GLI3: variants seen among roughly 807,000 people sequenced by gnomAD.
GLI3 encodes GLI family zinc finger 3.
Under a neutral mutation model 100.8 loss-of-function variants are expected in GLI3, and 20 were observed. That is an observed-to-expected ratio of 0.20 (90% CI 0.14 to 0.29). The LOEUF is 0.29. Among genes scored for constraint, GLI3 ranks in the 10% least tolerant of loss-of-function variants. The probability of loss-of-function intolerance (pLI) is 1.00; values close to 1 mark genes in which losing one functional copy is unlikely to be tolerated. For synonymous variants in GLI3, 938 were observed against 860.5 expected (o/e 1.09, Z -1.58); for missense variants, 2,040 against 2,128.5 (o/e 0.96, Z 0.82).
intron 10 of GLI3, among the ~76,000 whole-genome samples, chr7:41,985,118 G>A (rs1787781971): frequency 6.6e-6 from 1 of 152,240 alleles, no homozygotes; most frequent in East Asian, 1.9e-4. Context: ...TCCACCCCCA[G>A]TTGTATTTCC....
At chr7:42,147,885 A>G (rs1372985544) in intron 3 of GLI3, among the ~76,000 whole-genome samples, 1 of 151,848 alleles carries the variant, frequency 6.6e-6, no homozygotes, top group African/African-American at 2.4e-5. Flanking sequence ...ATAACAACAA[A>G]TTTTTCTCCT....
At chr7:42,144,627 T>C (rs1484388906) in intron 3 of GLI3, among the ~76,000 whole-genome samples, 1 of 151,938 alleles carries the variant, frequency 6.6e-6, no homozygotes, top group Non-Finnish European at 1.5e-5. Context: ...TACCCAAATA[T>C]AATAAAATCT....
At chr7:42,006,805 G>T (rs938802715) in intron 10 of GLI3, among the ~76,000 whole-genome samples, 2 of 152,146 alleles carry the variant, frequency 1.3e-5, no homozygotes, top group African/African-American at 4.8e-5. Flanking sequence ...GGGAGGCCCT[G>T]GTAAGTGCAT....
chr7:42,016,311 C>T (rs1788760766), intron 10 of GLI3, among the ~76,000 whole-genome samples: 1 of 152,164 alleles, frequency 6.6e-6, no homozygotes, highest in Non-Finnish European at 1.5e-5. Context: ...TCCAGTTCTT[C>T]TCTTGCAGTG....
chr7:42,006,969 C>T (rs1788475161), intron 10 of GLI3, among the ~76,000 whole-genome samples: 1 of 152,026 alleles, frequency 6.6e-6, no homozygotes, highest in Non-Finnish European at 1.5e-5. Flanking sequence ...TGGGTCATTT[C>T]TCAGGCAACA....
chr7:42,260,504 G>A (rs1032409706), intron 1 of GLI3, among the ~76,000 whole-genome samples: 2 of 152,162 alleles, frequency 1.3e-5, no homozygotes, highest in African/African-American at 4.8e-5. Flanking sequence ...TGCAGAAATA[G>A]GACAAGTTAG....
At chr7:42,139,611 A>G (rs1852543) in intron 3 of GLI3, among the ~76,000 whole-genome samples, 118,997 of 151,886 alleles carry the variant, frequency 0.78, 46,711 homozygotes, top group Admixed American at 0.86. Flanking sequence ...CCCGGGAAGC[A>G]GAGGTTGCGG....
At chr7:42,173,612 A>G (rs1787421376) in intron 2 of GLI3, among the ~76,000 whole-genome samples, 1 of 152,102 alleles carries the variant, frequency 6.6e-6, no homozygotes, top group African/African-American at 2.4e-5. Context: ...GAGTCTGATG[A>G]GAGCCTTCTA....
intron 3 of GLI3, among the ~76,000 whole-genome samples, chr7:42,140,559 G>A (rs1786543079): frequency 1.3e-5 from 2 of 152,150 alleles, no homozygotes; most frequent in Admixed American, 1.3e-4. Flanking sequence ...TGAGGAAGTT[G>A]GATCCTTTTC....
In GLI3 at chr7:41,983,330, G is replaced by A. The variant is rs1268998859; in HGVS notation, c.1498-4582C>T. Among the ~76,000 whole-genome samples, 3 of 152,084 alleles carry A rather than the reference G, an allele frequency of 2.0e-5. No individual in the cohort carries two copies. In the East Asian group the frequency reaches 5.8e-4, roughly 29 times the overall value. ...GCGCTATAAAAGGTACCCCAACGAAGGGAGGGCCATACATTAGGCCAAACT... is the reference window on the plus strand; with the variant it reads ...GCGCTATAAAAGGTACCCCAACGAAAGGAGGGCCATACATTAGGCCAAACT... On this transcript the variant is annotated intron_variant, in intron 10 of 14. Coordinates refer to ENST00000395925, the MANE Select transcript of GLI3 (RefSeq NM_000168.6).
chr7:42,041,904 T>G (rs1784147207), intron 6 of GLI3, among the ~76,000 whole-genome samples: 1 of 152,152 alleles, frequency 6.6e-6, no homozygotes, highest in South Asian at 2.1e-4. Flanking sequence ...TGGTACCTAC[T>G]CAAATTTTTC....
intron 2 of GLI3, among the ~76,000 whole-genome samples, chr7:42,194,224 C>T (rs1264958073): frequency 6.6e-6 from 1 of 152,136 alleles, no homozygotes; most frequent in East Asian, 1.9e-4. Flanking sequence ...ACACAGACCA[C>T]ATCAAAATGA....
chr7:42,121,877 T>C (rs1389261820), intron 3 of GLI3, among the ~76,000 whole-genome samples: 1 of 152,194 alleles, frequency 6.6e-6, no homozygotes, highest in Non-Finnish European at 1.5e-5. Context: ...CTGGTTATCT[T>C]AAGTTCAGCA....
intron 1 of GLI3, among the ~76,000 whole-genome samples, chr7:42,250,838 C>A (rs1789023329): frequency 6.6e-6 from 1 of 152,138 alleles, no homozygotes; most frequent in Non-Finnish European, 1.5e-5. Context: ...AGGAACATAT[C>A]ACGGACATTT....
chr7:41,978,495 TG>T (rs1343826045), intron 11 of GLI3, 103 bp downstream of exon 11: 1 of 1,112,486 alleles, frequency 9.0e-7, no homozygotes, highest in Admixed American at 1.7e-5. Flanking sequence ...CCTCTTCTCT[TG>T]CCACCCAACC....
intron 7 of GLI3, among the ~76,000 whole-genome samples, chr7:42,035,787 T>G (rs1317118286): frequency 1.3e-5 from 2 of 152,220 alleles, no homozygotes; most frequent in Non-Finnish European, 2.9e-5. Context: ...CTACTGTGAT[T>G]CACTGGCTAT....
chr7:42,191,287 T>C (rs73688669), intron 2 of GLI3, among the ~76,000 whole-genome samples: 1 of 152,314 alleles, frequency 6.6e-6, no homozygotes, highest in African/African-American at 2.4e-5. Context: ...ATAGCTTTTC[T>C]GTTCACCAGC....
At chr7:42,070,672 A>G (rs1447675610) in intron 4 of GLI3, among the ~76,000 whole-genome samples, 1 of 152,240 alleles carries the variant, frequency 6.6e-6, no homozygotes, top group African/African-American at 2.4e-5. Flanking sequence ...TATAGTAAGT[A>G]TTCAAAAATG....
At chr7:42,220,011 C>T (rs1189545514) in intron 2 of GLI3, among the ~76,000 whole-genome samples, 26 of 152,030 alleles carry the variant, frequency 1.7e-4, no homozygotes, top group Admixed American at 1.7e-3. Context: ...CCGCCACACG[C>T]CCAGCTAATT....
Sources: gnomAD v4.1 joint callset for allele counts (sites outside exome capture counted in the v4.1 genomes callset) on GRCh38, gnomAD v4.1.1 for gene constraint, MANE v1.5 for transcripts, NCBI Gene and HGNC (gene_info 2026-07-23, HGNC 2026-07-21) for gene names.